WDR72: variants seen among roughly 807,000 people sequenced by gnomAD.
The protein encoded by WDR72 is WD repeat-containing protein 72.
In WDR72, 120 loss-of-function variants were observed where a neutral mutation model predicts 124.2. The observed-to-expected ratio is 0.97, with a 90% CI of 0.83 to 1.12. The LOEUF is 1.12. Ranked by LOEUF, WDR72 falls within the 50% of genes most tolerant of loss-of-function variation. The probability of loss-of-function intolerance (pLI) is 0.00; values close to 1 mark genes in which losing one functional copy is unlikely to be tolerated. For synonymous variants in WDR72, 452 were observed against 441.7 expected (o/e 1.02, Z -0.29); for missense variants, 1,387 against 1,278.8 (o/e 1.08, Z -1.29).
At chr15:53,531,417 G>T (rs796667029) in intron 18 of WDR72, among the ~76,000 whole-genome samples, 82 of 152,168 alleles carry the variant, frequency 5.4e-4, no homozygotes, top group African/African-American at 1.9e-3. Flanking sequence ...ACATCTCAAT[G>T]TAGGCACTCA....
rs764575441 is a variant in WDR72 at position 53,616,045 on chromosome 15, C to T, written c.2161G>A (p.Glu721Lys). 5.6e-6 allele frequency: 9 copies of T among 1,612,724 alleles called. No homozygotes were observed. The South Asian group carries it at 6.6e-5, about 12-fold the overall frequency. Reference sequence around the variant, plus strand: ...TTTCTCAGTGTCAGTGTCTTCTTCTCCACTGTGCTCTTGGCTCTTCTCAGG... The same window carrying T: ...TTTCTCAGTGTCAGTGTCTTCTTCTTCACTGTGCTCTTGGCTCTTCTCAGG... Reference protein sequence around the residue: ...EVLRRAKSTVEKKTLTLRKSK... With the variant: ...EVLRRAKSTVKKKTLTLRKSK... The change falls in exon 15 of 20, where the codon GAG becomes AAG. Residue 721 changes from glutamate to lysine, a missense_variant. Transcript: ENST00000360509.
chr15:53,691,751 T>C (rs2016853067), intron 13 of WDR72, among the ~76,000 whole-genome samples: 1 of 152,200 alleles, frequency 6.6e-6, no homozygotes. Flanking sequence ...GTGTGTTAAG[T>C]ATCTTCATTA....
intron 11 of WDR72, 24 bp from the exon 12 acceptor site, chr15:53,702,378 T>C: frequency 6.4e-7 from 1 of 1,551,008 alleles, no homozygotes; most frequent in South Asian, 1.1e-5. Flanking sequence ...AAACACCAAA[T>C]AATACAGATG....
At chr15:53,719,364 T>A (rs79265615) in intron 3 of WDR72, among the ~76,000 whole-genome samples, 1,734 of 152,298 alleles carry the variant, frequency 0.011, 35 homozygotes, top group African/African-American at 0.04. Context: ...CTTTCTTACA[T>A]CCTTATATTT....
chr15:53,703,545 C>T (rs1484569011), intron 11 of WDR72, among the ~76,000 whole-genome samples: 5 of 151,616 alleles, frequency 3.3e-5, no homozygotes, highest in African/African-American at 9.7e-5. Flanking sequence ...TTCCTTACTT[C>T]GGACAAGACT....
At chr15:53,526,819 T>C (rs145244428) in intron 18 of WDR72, among the ~76,000 whole-genome samples, 1 of 152,200 alleles carries the variant, frequency 6.6e-6, no homozygotes, top group East Asian at 1.9e-4. Context: ...AATCAACTGT[T>C]TATTTCCTCT....
chr15:53,755,306 T>A (rs1292259749), intron 1 of WDR72, among the ~76,000 whole-genome samples: 1 of 152,254 alleles, frequency 6.6e-6, no homozygotes, highest in Non-Finnish European at 1.5e-5. Context: ...GAAATAATTA[T>A]CTGTGCTCCT....
chr15:53,737,084 AAC>A (rs948310381), intron 1 of WDR72, among the ~76,000 whole-genome samples: 1 of 151,460 alleles, frequency 6.6e-6, no homozygotes, highest in African/African-American at 2.4e-5. Flanking sequence ...TGGGAGAAGC[AAC>A]ACTCCAATAG....
At chr15:53,577,024 C>G (rs1001941170) in intron 18 of WDR72, among the ~76,000 whole-genome samples, 2 of 152,134 alleles carry the variant, frequency 1.3e-5, no homozygotes, top group African/African-American at 4.8e-5. Flanking sequence ...TGGGCAGTCT[C>G]TAGAAATCAC....
chr15:53,562,504 C>T (rs1894158274), intron 18 of WDR72, among the ~76,000 whole-genome samples: 1 of 151,786 alleles, frequency 6.6e-6, no homozygotes, highest in African/African-American at 2.4e-5. Flanking sequence ...GCTGATGCTG[C>T]TGGTCCAGGG....
At chr15:53,605,495 AG>A (rs780982126) in intron 17 of WDR72, among the ~76,000 whole-genome samples, 146 of 152,350 alleles carry the variant, frequency 9.6e-4, no homozygotes, top group Admixed American at 1.3e-3. Context: ...TTAAAATAAA[AG>A]TTTTAAAAAA....
intron 18 of WDR72, among the ~76,000 whole-genome samples, chr15:53,531,650 C>T (rs76917240): frequency 3.0e-4 from 46 of 152,026 alleles, no homozygotes; most frequent in African/African-American, 1.0e-3. Flanking sequence ...TAAAGAAAGC[C>T]AAGTTTTAAA....
At chr15:53,567,429 A>C (rs1400050685) in intron 18 of WDR72, among the ~76,000 whole-genome samples, 1 of 152,002 alleles carries the variant, frequency 6.6e-6, no homozygotes, top group Non-Finnish European at 1.5e-5. Flanking sequence ...CTCATAAGGA[A>C]ACAAAAAGCC....
chr15:53,537,324 T>C (rs1892815941), intron 18 of WDR72, among the ~76,000 whole-genome samples: 1 of 152,184 alleles, frequency 6.6e-6, no homozygotes, highest in Non-Finnish European at 1.5e-5. Flanking sequence ...TTTCTTTCCT[T>C]TTTTAATTGG....
At chr15:53,585,671 C>A (rs905366275) in intron 18 of WDR72, among the ~76,000 whole-genome samples, 1 of 151,966 alleles carries the variant, frequency 6.6e-6, no homozygotes, top group African/African-American at 2.4e-5. Flanking sequence ...GCTCTATCAG[C>A]CTAACAGAAA....
intron 17 of WDR72, among the ~76,000 whole-genome samples, chr15:53,598,518 T>TGA: frequency 6.6e-6 from 1 of 152,204 alleles, no homozygotes. Context: ...TGGTAGCATG[T>TGA]GAGACCTTCA....
At position 53,578,871 on chromosome 15, in the gene WDR72, T is replaced by C. The variant is rs967213935; in HGVS notation, c.3148+18208A>G. Among the ~76,000 whole-genome samples the C allele has an allele frequency of 1.4e-4, 21 of 152,172 alleles. 1 individual carries two copies. The highest frequency in any genetic ancestry group is 1.3e-3 in the Admixed American group (20 of 15,274). Reference sequence around the variant, plus strand: ...ATGTCAACTAAGTCTCAAGGTGACATTGCTGATAGCAAAAATGACCCCTCA... The same window carrying C: ...ATGTCAACTAAGTCTCAAGGTGACACTGCTGATAGCAAAAATGACCCCTCA... On this transcript the variant is annotated intron_variant, in intron 18 of 19. Coordinates refer to ENST00000360509, the MANE Select transcript of WDR72 (RefSeq NM_182758.4).
In WDR72 at chr15:53,733,097, T is replaced by C. The variant is rs200374434; in HGVS notation, c.53A>G (p.His18Arg). Residue 18 changes from histidine to arginine, a missense_variant, in exon 2 of 20, where the codon CAC becomes CGC. Physicochemically the swap from His to Arg is conservative, Grantham distance 29. Coordinates refer to ENST00000360509, the MANE Select transcript of WDR72 (RefSeq NM_182758.4). ...AGTGATCATGATGGCAGTGATGCTG[T>C]GGGGAGGGGCCTTCTGTCCCCAGAG... ...VALWGQKAPP[H>R]SITAIMITDD... The C allele has an allele frequency of 6.2e-7, 1 of 1,614,056 alleles. No individual in the cohort carries two copies. Among genetic ancestry groups the C allele is most frequent in the Non-Finnish European group, 8.5e-7 (1 of 1,179,976 alleles).
At chr15:53,610,542 C>T (rs2013494755) in intron 16 of WDR72, among the ~76,000 whole-genome samples, 1 of 150,906 alleles carries the variant, frequency 6.6e-6, no homozygotes, top group South Asian at 2.1e-4. Flanking sequence ...CACTTTTCAT[C>T]AAATCCCTAT....
Sources: gnomAD v4.1 joint callset for allele counts (sites outside exome capture counted in the v4.1 genomes callset) on GRCh38, gnomAD v4.1.1 for gene constraint, MANE v1.5 for transcripts, NCBI Gene and HGNC (gene_info 2026-07-23, HGNC 2026-07-21) for gene names.